The following SLC12A2 variants were observed in gnomAD, a reference collection of about 807,000 sequenced individuals.
The protein encoded by SLC12A2 is solute carrier family 12 member 2, also known as Na-K-2Cl cotransporter 1.
In SLC12A2, 67 loss-of-function variants were observed where a neutral mutation model predicts 136.3. The observed-to-expected ratio is 0.49, with a 90% CI of 0.40 to 0.60. SLC12A2 has a LOEUF of 0.60. Among genes scored for constraint, SLC12A2 ranks in the 20% least tolerant of loss-of-function variants. The pLI is 0.00. For missense variants in SLC12A2, 1,322 were observed against 1,534.7 expected (o/e 0.86, Z 2.32); for synonymous variants, 619 against 562.9 (o/e 1.10, Z -1.41).
At chr5:128,179,768 A>G (rs1763644259) in intron 22 of SLC12A2, among the ~76,000 whole-genome samples, 1 of 151,604 alleles carries the variant, frequency 6.6e-6, no homozygotes, top group Non-Finnish European at 1.5e-5. Flanking sequence ...ACTAAGCTCC[A>G]CCTCCAGCAC....
intron 5 of SLC12A2, among the ~76,000 whole-genome samples, chr5:128,132,744 A>G (rs1004530807): frequency 4.6e-5 from 7 of 152,290 alleles, no homozygotes; most frequent in Middle Eastern, 3.4e-3. Flanking sequence ...GTTTACACCA[A>G]AGGGATGAAG....
At position 128,149,978 on chromosome 5, in the gene SLC12A2, G is replaced by C. The variant is rs753452575; in HGVS notation, c.2006-19G>C. 6.5e-7 allele frequency: 1 copy of C among 1,531,490 alleles called. No individual in the cohort carries two copies. The highest frequency in any genetic ancestry group is 9.0e-7 in the Non-Finnish European group (1 of 1,108,802). The allele number at this position is 1,531,490 out of a possible 1,614,324, so 94.9% of individuals were successfully genotyped here. The stretch of plus-strand genomic sequence containing the variant: ...AATGTCTAATACGTCAGTAAATCTC[G>C]CATGTGTTTGTTCTGCAGCTGAACT... On this transcript the variant is annotated intron_variant, in intron 12 of 26. Coordinates refer to ENST00000262461, the MANE Select transcript of SLC12A2 (RefSeq NM_001046.3).
chr5:128,161,441 C>A (rs1333255521), intron 16 of SLC12A2, among the ~76,000 whole-genome samples: 1 of 152,190 alleles, frequency 6.6e-6, no homozygotes, highest in Admixed American at 6.5e-5. Context: ...TTCTCTTATT[C>A]TTTCTACTGG....
intron 6 of SLC12A2, among the ~76,000 whole-genome samples, chr5:128,134,857 T>C (rs1762135099): frequency 6.6e-6 from 1 of 152,108 alleles, no homozygotes; most frequent in Non-Finnish European, 1.5e-5. Flanking sequence ...TGTTTACTTT[T>C]GAAGACCTTA....
chr5:128,179,892 G>T (rs148306103), intron 22 of SLC12A2, among the ~76,000 whole-genome samples: 3 of 138,798 alleles, frequency 2.2e-5, no homozygotes, highest in Admixed American at 1.5e-4. Context: ...CCTATATTTC[G>T]CCAGCAGAAT....
intron 3 of SLC12A2, 54 bp from the exon 4 acceptor site, chr5:128,114,532 G>T: frequency 1.6e-6 from 2 of 1,214,640 alleles, no homozygotes. Flanking sequence ...TTTAGATACC[G>T]ATGAGCTTAA....
chr5:128,138,558 G>T (rs1313335724), intron 7 of SLC12A2, 39 bp from the exon 8 acceptor site: 14 of 1,574,548 alleles, frequency 8.9e-6, no homozygotes, highest in East Asian at 2.2e-5. Context: ...AGTCTAATTT[G>T]CTCTCCATTA....
intron 1 of SLC12A2, chr5:128,111,004 A>G (rs1761123635): frequency 2.7e-6 from 2 of 734,698 alleles, no homozygotes; most frequent in African/African-American, 1.8e-5. Context: ...CTGATATGCA[A>G]AATAACTTCT....
intron 4 of SLC12A2, among the ~76,000 whole-genome samples, chr5:128,115,297 GTAT>G (rs1186044038): frequency 6.6e-6 from 1 of 152,224 alleles, no homozygotes; most frequent in East Asian, 1.9e-4. Context: ...GCTAATTTTT[GTAT>G]TTTTAGTAGA....
intron 25 of SLC12A2, 63 bp downstream of exon 25, chr5:128,184,564 C>A: frequency 7.0e-7 from 1 of 1,426,394 alleles, no homozygotes; most frequent in South Asian, 1.5e-5. Flanking sequence ...AAACCAAGAA[C>A]TTTAATTTGA....
intron 2 of SLC12A2, among the ~76,000 whole-genome samples, chr5:128,113,503 A>G (rs930284517): frequency 2.0e-5 from 3 of 152,184 alleles, no homozygotes; most frequent in Non-Finnish European, 2.9e-5. Flanking sequence ...AATAGGCTAC[A>G]TTGCCTTCTC....
At chr5:128,127,658 G>T (rs1761866310) in intron 4 of SLC12A2, among the ~76,000 whole-genome samples, 2 of 150,850 alleles carry the variant, frequency 1.3e-5, no homozygotes. Context: ...TCACACTTCT[G>T]CCACATTTTG....
At chr5:128,103,667 A>T (rs1760824916) in intron 1 of SLC12A2, among the ~76,000 whole-genome samples, 1 of 152,028 alleles carries the variant, frequency 6.6e-6, no homozygotes, top group African/African-American at 2.4e-5. Flanking sequence ...TTTTGGGAAG[A>T]AGAAGGCTGC....
intron 17 of SLC12A2, 54 bp downstream of exon 17, chr5:128,161,854 T>G: frequency 8.6e-7 from 1 of 1,167,170 alleles, no homozygotes; most frequent in Non-Finnish European, 1.1e-6. Flanking sequence ...TATAAGCTTT[T>G]TAAAACTTTT....
At chr5:128,132,887 T>C (rs1762073009) in intron 5 of SLC12A2, among the ~76,000 whole-genome samples, 1 of 143,690 alleles carries the variant, frequency 7.0e-6, no homozygotes, top group African/African-American at 2.5e-5. Flanking sequence ...ATCAAAGTAT[T>C]TAATTAGGGT....
Position 128,084,029 on chromosome 5 carries a change from T to C in SLC12A2, c.75T>C (p.Ala25=). The C allele has an allele frequency of 1.6e-6, 2 of 1,263,086 alleles. No individual in the cohort carries two copies. Among genetic ancestry groups the C allele is most frequent in the African/African-American group, 1.6e-5 (1 of 64,122 alleles). The allele number at this position is 1,263,086 out of a possible 1,614,324, so 78.2% of individuals were successfully genotyped here. Residue 25 remains alanine (A), a synonymous_variant, in exon 1 of 27, where the codon GCT becomes GCC. Coordinates refer to ENST00000262461, the MANE Select transcript of SLC12A2 (RefSeq NM_001046.3). The surrounding 1 kb of genome is among the most constrained non-coding windows in gnomAD (Gnocchi z 5.6). ...LAGVGETPSA[A]ALAAARVELP... ...GGGTCGGGGAGACGCCGTCAGCCGC[T>C]GCGCTGGCCGCAGCCAGGGTGGAAC...
rs1278394785 is a variant in SLC12A2, at chr5:128,116,564, T to C, written c.1048+1883T>C. Among the ~76,000 whole-genome samples the C allele has an allele frequency of 2.0e-5, 3 of 152,092 alleles. No homozygotes were observed. The South Asian group carries it at 6.2e-4, about 32-fold the overall frequency. On this transcript the variant is annotated intron_variant, in intron 4 of 26. Transcript: ENST00000262461. ...AATTTTGCATGAGTTTCCTGAAAAATCTGTTCACAAAGGAAGAACCTAGAG... is the reference window on the plus strand; with the variant it reads ...AATTTTGCATGAGTTTCCTGAAAAACCTGTTCACAAAGGAAGAACCTAGAG...
intron 13 of SLC12A2, among the ~76,000 whole-genome samples, chr5:128,150,589 A>T (rs996760157): frequency 1.3e-5 from 2 of 151,672 alleles, no homozygotes; most frequent in Non-Finnish European, 3.0e-5. Flanking sequence ...AAACATTCTA[A>T]CATCAGGTTT....
intron 17 of SLC12A2, among the ~76,000 whole-genome samples, chr5:128,164,770 T>TA (rs1187457288): frequency 6.6e-6 from 1 of 152,134 alleles, no homozygotes; most frequent in African/African-American, 2.4e-5. Context: ...TCTTTCTAGT[T>TA]ACTAATTATA....
Sources: allele counts gnomAD v4.1 joint callset (sites outside exome capture counted in the v4.1 genomes callset), GRCh38; gene constraint gnomAD v4.1.1; non-coding constraint Gnocchi (gnomAD v3.1); transcripts MANE v1.5; gene names NCBI Gene and HGNC (gene_info 2026-07-23, HGNC 2026-07-21).